The following CNTN5 variants were observed in gnomAD, a reference collection of about 807,000 sequenced individuals.
The protein encoded by CNTN5 is contactin-5.
In CNTN5, 77 loss-of-function variants were observed where a neutral mutation model predicts 129.1. That is an observed-to-expected ratio of 0.60 (90% confidence interval 0.50 to 0.72). The LOEUF is 0.72. Ranked by LOEUF, CNTN5 falls within the 30% of genes least tolerant of loss-of-function variation. The pLI, the probability that CNTN5 is intolerant of heterozygous loss-of-function variation, is 0.00. For missense variants in CNTN5, 1,478 were observed against 1,328.8 expected, an observed-to-expected ratio of 1.11 and a Z score of -1.75; for synonymous variants, 509 against 465.6, an observed-to-expected ratio of 1.09 and a Z score of -1.20.
At chr11:99,967,385 A>T (rs1025787442) in intron 8 of CNTN5, among the ~76,000 whole-genome samples, 1 of 152,148 alleles carries the variant, frequency 6.6e-6, no homozygotes, top group Non-Finnish European at 1.5e-5. Context: ...TTTGTTAGGT[A>T]CAGGGGATAC....
chr11:99,711,886 G>A (rs1009657614), intron 3 of CNTN5, among the ~76,000 whole-genome samples: 1 of 152,044 alleles, frequency 6.6e-6, no homozygotes, highest in African/African-American at 2.4e-5. Flanking sequence ...TATCATTGAT[G>A]GGTATTTGGG....
At chr11:99,679,684 C>A (rs1011588869) in intron 3 of CNTN5, among the ~76,000 whole-genome samples, 1 of 152,134 alleles carries the variant, frequency 6.6e-6, no homozygotes, top group Admixed American at 6.5e-5. Context: ...CAGTTAAGAA[C>A]CCTACCGTGG....
chr11:99,697,299 G>T lies in CNTN5; in HGVS notation c.56-122245G>T, dbSNP rs1591493934. ...GAGTGTGGAGAAGGATGGGGTTGGG[G>T]AGAGAGAAAAAGAGGGGGAGAGAGA... On this transcript the variant is annotated intron_variant, in intron 3 of 24. Coordinates refer to ENST00000524871, the MANE Select transcript of CNTN5 (RefSeq NM_014361.4). Among the ~76,000 whole-genome samples the T allele has an allele frequency of 2.0e-5, 3 of 151,554 alleles. No individual in the cohort carries two copies. The East Asian group carries it at 5.8e-4, about 29-fold the overall frequency.
At position 100,029,693 on chromosome 11, in the gene CNTN5, G is replaced by A. The variant is rs770582; in HGVS notation, c.980+27557G>A. ...TTCCTTCATAATTGAGACTGACTGT[G>A]GAGTATTCTACCCCTTACATGAAAT... is the stretch of plus-strand genomic sequence containing the variant. On this transcript the variant is annotated intron_variant, in intron 9 of 24. Coordinates refer to ENST00000524871, the MANE Select transcript of CNTN5 (RefSeq NM_014361.4). Among the ~76,000 whole-genome samples, 1,245 of 152,234 alleles carry A rather than the reference G, an allele frequency of 8.2e-3. 17 individuals are homozygous for A. Among genetic ancestry groups the A allele is most frequent in the African/African-American group, 0.028 (1,180 of 41,532 alleles).
chr11:99,222,505 G>T (rs1486599247), intron 1 of CNTN5, among the ~76,000 whole-genome samples: 2 of 151,966 alleles, frequency 1.3e-5, no homozygotes, highest in Admixed American at 6.6e-5. Context: ...GATTAAAATA[G>T]AATTTTCAAA....
intron 3 of CNTN5, among the ~76,000 whole-genome samples, chr11:99,652,109 A>G (rs919616140): frequency 2.6e-5 from 4 of 152,076 alleles, no homozygotes; most frequent in East Asian, 3.9e-4. Flanking sequence ...CTGGGGCTGC[A>G]GTCTTATCTC....
chr11:99,534,321 A>G (rs1947823073), intron 2 of CNTN5, among the ~76,000 whole-genome samples: 1 of 152,256 alleles, frequency 6.6e-6, no homozygotes, highest in South Asian at 2.1e-4. Context: ...TGGTGTAAAG[A>G]TAAATGATCT....
chr11:99,977,123 A>G (rs1291517305), intron 8 of CNTN5, among the ~76,000 whole-genome samples: 1 of 152,208 alleles, frequency 6.6e-6, no homozygotes, highest in East Asian at 1.9e-4. Context: ...TCTAGGTCAG[A>G]GGCAAAATAC....
At chr11:99,580,162 G>A (rs1362566813) in intron 3 of CNTN5, among the ~76,000 whole-genome samples, 1 of 152,168 alleles carries the variant, frequency 6.6e-6, no homozygotes, top group Non-Finnish European at 1.5e-5. Context: ...AACCAGCCTT[G>A]CATCCCAGGG....
intron 7 of CNTN5, among the ~76,000 whole-genome samples, chr11:99,935,418 A>C (rs1950293521): frequency 6.6e-6 from 1 of 152,058 alleles, no homozygotes; most frequent in South Asian, 2.1e-4. Flanking sequence ...CCATGTTAAA[A>C]ATTATTTAAT....
At chr11:100,017,380 C>G (rs1318963736) in intron 9 of CNTN5, among the ~76,000 whole-genome samples, 1 of 151,968 alleles carries the variant, frequency 6.6e-6, no homozygotes, top group African/African-American at 2.4e-5. Context: ...TTTAATATCT[C>G]TGAAATCCAG....
At chr11:99,860,745 T>A (rs1269230877) in intron 6 of CNTN5, among the ~76,000 whole-genome samples, 1 of 152,170 alleles carries the variant, frequency 6.6e-6, no homozygotes, top group Non-Finnish European at 1.5e-5. Flanking sequence ...CCTCCAGCTT[T>A]GTTATTTTTG....
chr11:99,091,786 G>T (rs920681986), intron 1 of CNTN5, among the ~76,000 whole-genome samples: 1 of 152,096 alleles, frequency 6.6e-6, no homozygotes, highest in Admixed American at 6.6e-5. Flanking sequence ...TTTATGTGTT[G>T]GCCATTTATG....
At chr11:99,608,081 C>G (rs757304147) in intron 3 of CNTN5, among the ~76,000 whole-genome samples, 19 of 100,820 alleles carry the variant, frequency 1.9e-4, no homozygotes, top group Non-Finnish European at 3.0e-4. Flanking sequence ...GCACATGTAC[C>G]CTAAAACTTA....
intron 3 of CNTN5, among the ~76,000 whole-genome samples, chr11:99,674,406 T>G (rs939892021): frequency 1.3e-5 from 2 of 152,202 alleles, no homozygotes; most frequent in African/African-American, 4.8e-5. Flanking sequence ...GTAGGTTGCC[T>G]GTTCACTCTG....
intron 2 of CNTN5, among the ~76,000 whole-genome samples, chr11:99,328,517 T>C (rs1865874247): frequency 6.6e-6 from 1 of 152,122 alleles, no homozygotes; most frequent in African/African-American, 2.4e-5. Context: ...TAGTTTTTTG[T>C]GTTTTAGAAA....
chr11:99,595,022 G>T (rs1236656950), intron 3 of CNTN5, among the ~76,000 whole-genome samples: 1 of 152,174 alleles, frequency 6.6e-6, no homozygotes, highest in Admixed American at 6.5e-5. Flanking sequence ...TTTCCTGAAA[G>T]TAGAGAGTAG....
chr11:100,071,758 A>C lies in CNTN5; in HGVS notation c.1353A>C (p.Ser451=). ...GVLMIHNVNQ[S]DAGMYQCLAE... Reference sequence around the variant, plus strand: ...TGATGATCCACAATGTGAATCAATCAGATGCTGGAATGTATCAGTGTTTGG... The same window carrying C: ...TGATGATCCACAATGTGAATCAATCCGATGCTGGAATGTATCAGTGTTTGG... The change falls in exon 12 of 25, where the codon TCA becomes TCC. Residue 451 remains serine, a synonymous_variant. Coordinates refer to ENST00000524871, the MANE Select transcript of CNTN5 (RefSeq NM_014361.4). 1 of 1,602,884 alleles carries C rather than the reference A, an allele frequency of 6.2e-7. No homozygotes were observed. Among genetic ancestry groups the C allele is most frequent in the Non-Finnish European group, 8.5e-7 (1 of 1,173,686 alleles).
chr11:100,008,820 A>G (rs1940342518), intron 9 of CNTN5, among the ~76,000 whole-genome samples: 2 of 152,050 alleles, frequency 1.3e-5, no homozygotes. Context: ...AATCTTCGAT[A>G]AGCCAAATTA....
Sources: allele counts gnomAD v4.1 joint callset (sites outside exome capture counted in the v4.1 genomes callset), GRCh38; gene constraint gnomAD v4.1.1; transcripts MANE v1.5; gene names NCBI Gene and HGNC (gene_info 2026-07-23, HGNC 2026-07-21).